PCSK9: variants seen among roughly 807,000 people sequenced by gnomAD.
The protein encoded by PCSK9 is convertase subtilisin/kexin type 9 preproprotein.
In PCSK9, 57 loss-of-function variants were observed where a neutral mutation model predicts 62.1. The observed-to-expected ratio is 0.92, with a 90% confidence interval of 0.74 to 1.14. PCSK9 has a LOEUF of 1.14. Among genes scored for constraint, PCSK9 ranks in the 50% most tolerant of loss-of-function variants. The pLI, the probability that PCSK9 is intolerant of heterozygous loss-of-function variation, is 0.00. For synonymous variants in PCSK9, 387 were observed against 409.4 expected (o/e 0.95, Z 0.66); for missense variants, 870 against 959.8 (o/e 0.91, Z 1.24).
intron 6 of PCSK9, 151 bp from the exon 7 acceptor site, chr1:55,057,180 G>A: frequency 1.0e-6 from 1 of 984,332 alleles, no homozygotes; most frequent in Non-Finnish European, 1.6e-6. Flanking sequence ...AGTTCTGCCT[G>A]GGCAGTCAGA....
At chr1:55,058,407 T>G in intron 8 of PCSK9, 92 bp from the exon 9 acceptor site, 10 of 1,585,068 alleles carry the variant, frequency 6.3e-6, no homozygotes, top group Non-Finnish European at 8.7e-6. Flanking sequence ...GTATGTTCTT[T>G]AAGCCCTCCT....
Position 55,063,382 on chromosome 1 carries a change from G to C in PCSK9, c.1877G>C (p.Cys626Ser), listed in dbSNP as rs766081343. Reference sequence around the variant, plus strand: ...GGGCTCTGGCAGGTGACCGTGGCCTGCGAGGAGGGCTGGACCCTGACTGGC... The same window carrying C: ...GGGCTCTGGCAGGTGACCGTGGCCTCCGAGGAGGGCTGGACCCTGACTGGC... ...PAPQEQVTVA[C>S]EEGWTLTGCS... Residue 626 changes from cysteine (C) to serine (S), a missense_variant, in exon 12 of 12, where the codon TGC becomes TCC. Transcript: ENST00000302118. 6.2e-7 allele frequency: 1 copy of C among 1,613,822 alleles called. No homozygotes were observed. Among genetic ancestry groups the C allele is most frequent in the Non-Finnish European group, 8.5e-7 (1 of 1,179,890 alleles).
Position 55,052,746 on chromosome 1 carries a change from G to A in PCSK9, c.754G>A (p.Val252Met), listed in dbSNP as rs149139428. Residue 252 changes from valine to methionine, a missense_variant, in exon 5 of 12, where the codon GTG becomes ATG. By Grantham distance (21) the Val-to-Met change is conservative. Coordinates refer to ENST00000302118, the MANE Select transcript of PCSK9 (RefSeq NM_174936.4). ...GGGTGCCAGCATGCGCAGCCTGCGC[G>A]TGCTCAACTGCCAAGGGAAGGGCAC... The part of the protein sequence containing the change: ...AKGASMRSLR[V>M]LNCQGKGTVS... The A allele has an allele frequency of 2.5e-5, 40 of 1,613,078 alleles. No individual in the cohort carries two copies. Among genetic ancestry groups the A allele is most frequent in the African/African-American group, 4.0e-5 (3 of 74,944 alleles).
In PCSK9 at chr1:55,039,667, C is replaced by A. The variant is rs1414408370; in HGVS notation, c.-171C>A. Reference sequence around the variant, plus strand: ...GGCGGGCCGGGACGCGTCGTTGCAGCAGCGGCTCCCAGCTCCCAGCCAGGA... The same window carrying A: ...GGCGGGCCGGGACGCGTCGTTGCAGAAGCGGCTCCCAGCTCCCAGCCAGGA... On this transcript the variant is annotated 5_prime_UTR_variant, in exon 1 of 12. Transcript: ENST00000302118. 3 of 755,696 alleles carry A rather than the reference C, an allele frequency of 4.0e-6. No homozygotes were observed. Among genetic ancestry groups the A allele is most frequent in the African/African-American group, 3.5e-5 (2 of 57,130 alleles). 46.8% of individuals were successfully genotyped at this position (755,696 alleles called of 1,614,324 possible). A position where few individuals can be genotyped will look rare whatever the true frequency, so the allele number is the denominator to read the frequency against.
intron 2 of PCSK9, among the ~76,000 whole-genome samples, chr1:55,045,616 G>A (rs1214559224): frequency 6.6e-6 from 1 of 152,096 alleles, no homozygotes; most frequent in Non-Finnish European, 1.5e-5. Context: ...AGGAGAGGCT[G>A]CCTGTGGGGA....
In PCSK9 at chr1:55,063,509, C is replaced by T. The variant is rs762298323; in HGVS notation, c.2004C>T (p.Ser668=). ...SRDVSTTGST[S]EGAVTAVAIC... is the part of the protein sequence containing the mutation. ...ACGTCAGCACTACAGGCAGCACCAG[C>T]GAAGGGGCCGTGACAGCCGTTGCCA... Residue 668 remains serine (S), a synonymous_variant, in exon 12 of 12, where the codon AGC becomes AGT. Coordinates refer to ENST00000302118, the MANE Select transcript of PCSK9 (RefSeq NM_174936.4). 6 of 1,613,930 alleles carry T rather than the reference C, an allele frequency of 3.7e-6. No individual in the cohort carries two copies. The highest frequency in any genetic ancestry group is 3.3e-5 in the South Asian group (3 of 91,068).
rs143275858 is a variant in PCSK9 at position 55,058,106 on chromosome 1, C to A, written c.1251C>A (p.His417Gln). Residue 417 changes from histidine to glutamine, a missense_variant, in exon 8 of 12, where the codon CAC becomes CAA. Physicochemically the swap from His to Gln is conservative, Grantham distance 24. Coordinates refer to ENST00000302118, the MANE Select transcript of PCSK9 (RefSeq NM_174936.4). Reference sequence around the variant, plus strand: ...CCGAGTTGAGGCAGAGACTGATCCACTTCTCTGCCAAAGATGTCATCAATG... The same window carrying A: ...CCGAGTTGAGGCAGAGACTGATCCAATTCTCTGCCAAAGATGTCATCAATG... Reference protein sequence around the residue: ...TLAELRQRLIHFSAKDVINEA... With the variant: ...TLAELRQRLIQFSAKDVINEA... The A allele has an allele frequency of 1.5e-4, 242 of 1,613,692 alleles. 1 individual carries two copies. The African/African-American group carries it at 3.1e-3, about 20-fold the overall frequency.
At chr1:55,052,571 C>G in intron 4 of PCSK9, 79 bp from the exon 5 acceptor site, 3 of 1,604,766 alleles carry the variant, frequency 1.9e-6, no homozygotes, top group Non-Finnish European at 2.6e-6. Flanking sequence ...GAAGGGCGTT[C>G]ATCCATCCAG....
chr1:55,047,894 C>T (rs987432539), intron 3 of PCSK9, among the ~76,000 whole-genome samples: 14 of 152,124 alleles, frequency 9.2e-5, no homozygotes, highest in African/African-American at 2.9e-4. Flanking sequence ...AGCCCTGGAG[C>T]CCCCTGTACT....
At chr1:55,051,249 A>C (rs1644670882) in intron 3 of PCSK9, 1 of 455,590 alleles carries the variant, frequency 2.2e-6, no homozygotes, top group African/African-American at 2.0e-5. Context: ...GCACTTCAGA[A>C]GACTCAGGAG....
intron 1 of PCSK9, among the ~76,000 whole-genome samples, chr1:55,043,491 G>C (rs1644610823): frequency 1.3e-5 from 2 of 152,054 alleles, no homozygotes; most frequent in African/African-American, 4.8e-5. Flanking sequence ...AATTTATTCT[G>C]ACTGGGGCAT....
intron 3 of PCSK9, 109 bp from the exon 4 acceptor site, chr1:55,052,169 T>C: frequency 6.9e-7 from 1 of 1,456,066 alleles, no homozygotes; most frequent in Admixed American, 1.7e-5. Flanking sequence ...TGAATATATT[T>C]AAGGCGCTTT....
At chr1:55,062,210 T>C (rs1644765342) in intron 11 of PCSK9, among the ~76,000 whole-genome samples, 1 of 152,176 alleles carries the variant, frequency 6.6e-6, no homozygotes, top group Non-Finnish European at 1.5e-5. Flanking sequence ...GAAACCTGAG[T>C]GTATAACTCT....
rs2100345322 is a variant in PCSK9, at chr1:55,063,675, A to G, written c.*91A>G. The G allele has an allele frequency of 2.1e-6, 3 of 1,396,424 alleles. No homozygotes were observed. The highest frequency in any genetic ancestry group is 2.5e-5 in the East Asian group (1 of 40,094). 86.5% of individuals were successfully genotyped at this position (1,396,424 alleles called of 1,614,324 possible). On this transcript the variant is annotated 3_prime_UTR_variant, in exon 12 of 12. Coordinates refer to ENST00000302118, the MANE Select transcript of PCSK9 (RefSeq NM_174936.4). ...CGACTTGTCCCTCTCTCAGCCCTCC[A>G]TGGCCTGGCACGAGGGGATGGGGAT...
In PCSK9 at chr1:55,056,090, C is replaced by T. The variant is rs1644711792; in HGVS notation, c.897C>T (p.Ala299=). ...LAGGYSRVLN[A]ACQRLARAGV... ...GTGGGTACAGCCGCGTCCTCAACGC[C>T]GCCTGCCAGCGCCTGGCGAGGGCTG... The change falls in exon 6 of 12, where the codon GCC becomes GCT. Residue 299 remains alanine (A), a synonymous_variant. Coordinates refer to ENST00000302118, the MANE Select transcript of PCSK9 (RefSeq NM_174936.4). 4 of 1,588,096 alleles carry T rather than the reference C, an allele frequency of 2.5e-6. No homozygotes were observed. Among genetic ancestry groups the T allele is most frequent in the Middle Eastern group, 1.7e-4 (1 of 5,926 alleles).
intron 3 of PCSK9, among the ~76,000 whole-genome samples, chr1:55,047,798 GC>G (rs1173896340): frequency 6.6e-6 from 1 of 152,214 alleles, no homozygotes; most frequent in Non-Finnish European, 1.5e-5. Context: ...TGCTGACCCG[GC>G]CTGGGCAGCC....
intron 5 of PCSK9, among the ~76,000 whole-genome samples, chr1:55,053,060 C>T (rs776726326): frequency 2.5e-4 from 38 of 152,224 alleles, no homozygotes; most frequent in Non-Finnish European, 4.9e-4. Flanking sequence ...CAGTTCCACA[C>T]TGCTCCCCTT....
chr1:55,053,244 G>C (rs1644689205), intron 5 of PCSK9, among the ~76,000 whole-genome samples: 1 of 152,092 alleles, frequency 6.6e-6, no homozygotes, highest in Admixed American at 6.5e-5. Context: ...AGATGTGGTG[G>C]AGGAACTGGC....
intron 2 of PCSK9, 38 bp from the exon 3 acceptor site, chr1:55,046,485 G>A (rs759519174): frequency 1.2e-6 from 2 of 1,614,128 alleles, no homozygotes; most frequent in Non-Finnish European, 1.7e-6. Flanking sequence ...TGTCCAAATG[G>A]CTTAAGCAGA....
Sources: gnomAD v4.1 joint callset for allele counts (sites outside exome capture counted in the v4.1 genomes callset) on GRCh38, gnomAD v4.1.1 for gene constraint, MANE v1.5 for transcripts, NCBI Gene and HGNC (gene_info 2026-07-23, HGNC 2026-07-21) for gene names.